Variants in DDX46 observed in about 807,000 individuals in gnomAD.
DDX46 encodes DEAD-box helicase 46.
DDX46 carries 30 observed loss-of-function variants against 134.9 expected under a neutral mutation model. The observed-to-expected ratio is 0.22, with a 90% CI of 0.17 to 0.30. The LOEUF is 0.30. Among genes scored for constraint, DDX46 ranks in the 10% least tolerant of loss-of-function variants. DDX46 has a pLI of 1.00. For synonymous variants in DDX46, 415 were observed against 404.1 expected, an observed-to-expected ratio of 1.03 and a Z score of -0.32; for missense variants, 622 against 1,248.7, an observed-to-expected ratio of 0.50 and a Z score of 7.56.
rs1322750498 is a variant in DDX46, at chr5:134,773,879, A to G, written c.613+18A>G. 3 of 1,580,320 alleles carry G rather than the reference A, an allele frequency of 1.9e-6. No individual in the cohort carries two copies. Among genetic ancestry groups the G allele is most frequent in the Admixed American group, 1.9e-5 (1 of 51,610 alleles). On this transcript the variant is annotated intron_variant, in intron 5 of 22. Transcript: ENST00000452510. ...CGATGATGGTATATTTTTTAGCCTAATAGCCTGTATAACACCTCATGTAGA... is the reference window on the plus strand; with the variant it reads ...CGATGATGGTATATTTTTTAGCCTAGTAGCCTGTATAACACCTCATGTAGA...
chr5:134,763,728 A>G (rs1002897957), intron 1 of DDX46, among the ~76,000 whole-genome samples, 176 bp from the exon 2 acceptor site: 3 of 152,116 alleles, frequency 2.0e-5, no homozygotes, highest in Admixed American at 1.3e-4. Context: ...CCACCTCTAC[A>G]TGTGTCTGTG....
chr5:134,764,186 T>C, intron 2 of DDX46, 94 bp downstream of exon 2: 3 of 1,298,974 alleles, frequency 2.3e-6, no homozygotes, highest in Non-Finnish European at 1.0e-6. Context: ...AACTGGAGTT[T>C]GGTGGCCCAA....
chr5:134,809,685 T>C (rs1203874366), intron 16 of DDX46, among the ~76,000 whole-genome samples: 2 of 151,960 alleles, frequency 1.3e-5, no homozygotes, highest in South Asian at 2.1e-4. Context: ...AAGATATTTC[T>C]GAATTAAAAT....
intron 12 of DDX46, chr5:134,790,076 C>T (rs904933760): frequency 8.7e-6 from 4 of 459,154 alleles, no homozygotes; most frequent in South Asian, 1.5e-5. Context: ...TCCACACATA[C>T]GCTGTAATCT....
At chr5:134,782,398 T>C (rs1754180797) in intron 8 of DDX46, among the ~76,000 whole-genome samples, 1 of 152,018 alleles carries the variant, frequency 6.6e-6, no homozygotes, top group African/African-American at 2.4e-5. Context: ...TCCTAGCACT[T>C]TGGGAGGCCA....
At chr5:134,768,927 A>T (rs1233830136) in intron 3 of DDX46, among the ~76,000 whole-genome samples, 1 of 152,090 alleles carries the variant, frequency 6.6e-6, no homozygotes, top group Non-Finnish European at 1.5e-5. Context: ...GTGTGGTGGC[A>T]CACACCTGTG....
chr5:134,803,453 C>T (rs553548521), intron 15 of DDX46, among the ~76,000 whole-genome samples: 85 of 152,100 alleles, frequency 5.6e-4, no homozygotes, highest in Non-Finnish European at 9.3e-4. Flanking sequence ...GTTTCCCAGT[C>T]CTGAGTTTGT....
intron 12 of DDX46, chr5:134,789,987 TA>T (rs1272124952): frequency 2.3e-6 from 1 of 426,108 alleles, no homozygotes; most frequent in Non-Finnish European, 4.7e-6. Flanking sequence ...AAGAAGCTTC[TA>T]AATATATGGA....
rs1754268905 is a variant in DDX46, at chr5:134,784,427, C to A, written c.1228C>A (p.Arg410=). 3 of 1,613,978 alleles carry A rather than the reference C, an allele frequency of 1.9e-6. No individual in the cohort carries two copies. The highest frequency in any genetic ancestry group is 2.5e-6 in the Non-Finnish European group (3 of 1,179,968). Residue 410 remains arginine, a synonymous_variant, in exon 10 of 23, where the codon CGA becomes AGA. Coordinates refer to ENST00000452510, the MANE Select transcript of DDX46 (RefSeq NM_001300860.2). The part of the protein sequence containing the change: ...TQAIPAIMSG[R]DLIGIAKTGS... ...AGCTATTCCTGCTATAATGTCTGGA[C>A]GAGATTTGATTGGCATTGCCAAAAC...
chr5:134,777,067 T>G (rs895893128), intron 5 of DDX46, among the ~76,000 whole-genome samples: 1 of 151,888 alleles, frequency 6.6e-6, no homozygotes, highest in Non-Finnish European at 1.5e-5. Flanking sequence ...AAAAAATTAG[T>G]GGCATGGTGG....
At chr5:134,804,151 T>C (rs1420814040) in intron 15 of DDX46, among the ~76,000 whole-genome samples, 4 of 152,116 alleles carry the variant, frequency 2.6e-5, no homozygotes, top group African/African-American at 9.6e-5. Context: ...CAGGGTGATC[T>C]GCCCACTTTG....
At chr5:134,793,624 C>G (rs1300420711) in intron 13 of DDX46, among the ~76,000 whole-genome samples, 1 of 152,020 alleles carries the variant, frequency 6.6e-6, no homozygotes. Flanking sequence ...GGACTGGTCT[C>G]GAACTCCTGA....
At position 134,788,606 on chromosome 5, in the gene DDX46, T is replaced by C. The variant is rs1561862165; in HGVS notation, c.1543+15T>C. ...CGCTAACAGTGGTAAGTCAGGGGTA[T>C]TTTTTTGGTGTCTTTTATTTTTGAA... On this transcript the variant is annotated intron_variant, in intron 12 of 22. Transcript: ENST00000452510. The C allele has an allele frequency of 6.2e-7, 1 of 1,605,072 alleles. No homozygotes were observed. The highest frequency in any genetic ancestry group is 1.7e-5 in the Admixed American group (1 of 58,992).
intron 20 of DDX46, among the ~76,000 whole-genome samples, chr5:134,818,455 A>C (rs1411032724): frequency 6.7e-6 from 1 of 150,114 alleles, no homozygotes; most frequent in East Asian, 2.0e-4. Context: ...GAATCCCAGC[A>C]CTTTGGGAGA....
At chr5:134,811,186 G>A in intron 16 of DDX46, 35 bp from the exon 17 acceptor site, 4 of 1,598,988 alleles carry the variant, frequency 2.5e-6, no homozygotes, top group Non-Finnish European at 3.4e-6. Context: ...CATCTTGTTA[G>A]TGTCTAATAA....
At chr5:134,781,785 CA>C in intron 7 of DDX46, 135 bp from the exon 8 acceptor site, 3 of 820,598 alleles carry the variant, frequency 3.7e-6, no homozygotes, top group Non-Finnish European at 5.6e-6. Context: ...TCTTGTGGGT[CA>C]AACAGTGTGT....
intron 17 of DDX46, 124 bp downstream of exon 17, chr5:134,811,482 C>G: frequency 7.5e-7 from 1 of 1,334,142 alleles, no homozygotes; most frequent in East Asian, 2.5e-5. Flanking sequence ...TTATTTCTCT[C>G]TAGAGGGAAA....
At chr5:134,814,823 C>T (rs986020950) in intron 18 of DDX46, among the ~76,000 whole-genome samples, 2 of 152,182 alleles carry the variant, frequency 1.3e-5, no homozygotes, top group African/African-American at 4.8e-5. Context: ...GCCATGTTGC[C>T]CAGGCTGGTC....
intron 15 of DDX46, among the ~76,000 whole-genome samples, chr5:134,805,972 A>G (rs1241044434): frequency 1.3e-5 from 2 of 151,932 alleles, no homozygotes; most frequent in Non-Finnish European, 2.9e-5. Context: ...TAATTTCAGC[A>G]CTTTGGGAGG....
Sources: gnomAD v4.1 joint callset for allele counts (sites outside exome capture counted in the v4.1 genomes callset) on GRCh38, gnomAD v4.1.1 for gene constraint, MANE v1.5 for transcripts, NCBI Gene and HGNC (gene_info 2026-07-23, HGNC 2026-07-21) for gene names.